TLL2: variants seen among roughly 807,000 people sequenced by gnomAD.
TLL2 encodes the protein tolloid-like protein 2.
A neutral mutation model predicts 123.0 loss-of-function variants in TLL2; 106 were observed. The ratio of observed to expected loss-of-function variants is 0.86; its 90% confidence interval spans 0.74 to 1.01. The LOEUF (loss-of-function observed/expected upper bound fraction) is 1.01, where lower values mean the gene tolerates loss of function less well. TLL2 is among the 50% of genes least tolerant of loss of function. The pLI, the probability that TLL2 is intolerant of heterozygous loss-of-function variation, is 0.00. For missense variants in TLL2, 1,332 were observed against 1,336.7 expected, an observed-to-expected ratio of 1.00 and a Z score of 0.06; for synonymous variants, 494 against 516.8, an observed-to-expected ratio of 0.96 and a Z score of 0.60.
Position 96,370,048 on chromosome 10 carries a change from G to A in TLL2, c.2913+17C>T. 6.4e-7 allele frequency: 1 copy of A among 1,553,864 alleles called. No homozygotes were observed. Among genetic ancestry groups the A allele is most frequent in the Non-Finnish European group, 8.7e-7 (1 of 1,151,834 alleles). On this transcript the variant is annotated intron_variant, in intron 20 of 20. Transcript: ENST00000357947. ...ATCATCACACTCTGCCCCGGCCCCA[G>A]CGTCTCCGGGACTTACCCCAGAGCC...
At position 96,381,919 on chromosome 10, in the gene TLL2, T is replaced by G. The variant is rs531036166; in HGVS notation, c.2194+2668A>C. 5.3e-5 allele frequency among the ~76,000 whole-genome samples: 8 copies of G among 152,312 alleles called. No homozygotes were observed. The South Asian group carries it at 1.7e-3, about 32-fold the overall frequency. ...TCAACAAATAATTGGGTCATTTCTA[T>G]GCCAAGCATTAAGACTATAAAGATA... On this transcript the variant is annotated intron_variant, in intron 16 of 20. Transcript: ENST00000357947.
chr10:96,418,712 T>A (rs1456462947), intron 7 of TLL2, among the ~76,000 whole-genome samples: 1 of 148,110 alleles, frequency 6.8e-6, no homozygotes, highest in Non-Finnish European at 1.5e-5. Context: ...TGAATATATA[T>A]GTATATATAA....
At chr10:96,491,388 A>C (rs1271490388) in intron 1 of TLL2, among the ~76,000 whole-genome samples, 1 of 151,244 alleles carries the variant, frequency 6.6e-6, no homozygotes, top group Admixed American at 6.6e-5. Context: ...GTCTCAAAAA[A>C]AAAAAAAAAA....
chr10:96,412,282 C>G (rs1296169744), intron 8 of TLL2, among the ~76,000 whole-genome samples: 2 of 152,198 alleles, frequency 1.3e-5, no homozygotes, highest in Non-Finnish European at 2.9e-5. Context: ...CCCAGATTTT[C>G]TAAGACGGTC....
At chr10:96,451,798 A>G (rs1589425875) in intron 2 of TLL2, among the ~76,000 whole-genome samples, 3 of 152,212 alleles carry the variant, frequency 2.0e-5, no homozygotes, top group Admixed American at 6.5e-5. Flanking sequence ...CATTGGGTGG[A>G]GAATTTGAGA....
intron 13 of TLL2, among the ~76,000 whole-genome samples, chr10:96,389,339 A>T (rs1226527827): frequency 1.3e-5 from 2 of 152,204 alleles, no homozygotes; most frequent in African/African-American, 4.8e-5. Context: ...ATCATGATAG[A>T]CAGCAGCAGA....
At chr10:96,476,240 A>ATATATATATATTCTTTTTTTTTT in intron 2 of TLL2, among the ~76,000 whole-genome samples, 2 of 20,498 alleles carry the variant, frequency 9.8e-5, no homozygotes, top group African/African-American at 1.7e-4. Context: ...ATATATATAT[A>ATATATATATATTCTTTTTTTTTT]TTTTATTTTT....
At chr10:96,410,286 A>G (rs749718888) in intron 9 of TLL2, 73 bp downstream of exon 9, 2 of 1,091,792 alleles carry the variant, frequency 1.8e-6, no homozygotes, top group Non-Finnish European at 2.7e-6. Flanking sequence ...TTTACTATTA[A>G]CAATAAGAAC....
rs765598534 is a variant in TLL2, at chr10:96,384,736, C to T, written c.2045G>A (p.Ser682Asn). Residue 682 changes from serine to asparagine, a missense_variant, in exon 16 of 21, where the codon AGC becomes AAC. Ser to Asn is a conservative substitution (Grantham distance 46). Coordinates refer to ENST00000357947, the MANE Select transcript of TLL2 (RefSeq NM_012465.4). ...CAGCTTGGCGTCGGGGGACAGGCCG[C>T]TGCGCACCTCTACAAAGTCGTACTT... ...VCKYDFVEVR[S>N]GLSPDAKLHG... The T allele has an allele frequency of 3.1e-6, 5 of 1,606,180 alleles. No individual in the cohort carries two copies.
intron 2 of TLL2, among the ~76,000 whole-genome samples, chr10:96,476,248 T>TTGTTGTTGTTGTTGTTG (rs1554939657): frequency 2.9e-5 from 2 of 69,228 alleles, no homozygotes; most frequent in African/African-American, 1.2e-4. Context: ...ATATTTTATT[T>TTGTTGTTGTTGTTGTTG]TTGTTGTTGT....
intron 2 of TLL2, among the ~76,000 whole-genome samples, chr10:96,453,932 T>C (rs1383283970): frequency 3.9e-5 from 6 of 152,166 alleles, no homozygotes; most frequent in Non-Finnish European, 8.8e-5. Flanking sequence ...TATTACTTTA[T>C]AATCAGGAAA....
intron 1 of TLL2, among the ~76,000 whole-genome samples, chr10:96,501,603 T>A (rs1257300915): frequency 6.6e-6 from 1 of 152,256 alleles, no homozygotes; most frequent in Non-Finnish European, 1.5e-5. Flanking sequence ...GTCATTACCA[T>A]TCTGCAAAGT....
intron 2 of TLL2, among the ~76,000 whole-genome samples, chr10:96,469,522 G>C (rs1398510292): frequency 6.6e-6 from 1 of 152,158 alleles, no homozygotes. Context: ...GTGCACCCAG[G>C]CTGGACCCCC....
chr10:96,457,732 G>A (rs1175074281), intron 2 of TLL2, among the ~76,000 whole-genome samples: 1 of 152,184 alleles, frequency 6.6e-6, no homozygotes, highest in Non-Finnish European at 1.5e-5. Context: ...AGCCTCCATG[G>A]CTGAGGGTGA....
chr10:96,443,176 C>G (rs1405054547), intron 3 of TLL2, among the ~76,000 whole-genome samples: 1 of 152,176 alleles, frequency 6.6e-6, no homozygotes. Context: ...GCCGCCAAGT[C>G]CCCTTATCCC....
chr10:96,384,885 C>T, intron 15 of TLL2, 118 bp from the exon 16 acceptor site: 4 of 1,013,886 alleles, frequency 3.9e-6, no homozygotes, highest in Non-Finnish European at 5.4e-6. Flanking sequence ...GGGGGAGGGT[C>T]CCTTGACTCT....
intron 1 of TLL2, among the ~76,000 whole-genome samples, chr10:96,505,093 A>G (rs1186033083): frequency 6.6e-6 from 1 of 152,274 alleles, no homozygotes; most frequent in African/African-American, 2.4e-5. Context: ...AAAGAGGCTT[A>G]ATTGACTCGC....
Position 96,370,264 on chromosome 10 carries a change from TG to T in TLL2, c.2713del (p.His905ThrfsTer18). 6.2e-7 allele frequency: 1 copy of T among 1,610,932 alleles called. No individual in the cohort carries two copies. Among genetic ancestry groups the T allele is most frequent in the Non-Finnish European group, 8.5e-7 (1 of 1,178,362 alleles). On this transcript the variant is annotated frameshift_variant, in exon 20 of 21. Coordinates refer to ENST00000357947, the MANE Select transcript of TLL2 (RefSeq NM_012465.4). LOFTEE classifies it high-confidence loss of function. ...AEVQTKELYS[H>X]AQFGDNNYPS... is the part of the protein sequence containing the mutation. ...GTAGTTGTTGTCCCCAAACTGGGCG[TG>T]GGAATAGAGCTCTTTGGTCTGCACT...
chr10:96,456,751 T>A (rs1295282792), intron 2 of TLL2, among the ~76,000 whole-genome samples: 1 of 152,058 alleles, frequency 6.6e-6, no homozygotes, highest in Non-Finnish European at 1.5e-5. Context: ...TCAAATCAGA[T>A]CCACAATGTG....
Sources: gnomAD v4.1 joint callset for allele counts (sites outside exome capture counted in the v4.1 genomes callset) on GRCh38, gnomAD v4.1.1 for gene constraint, MANE v1.5 for transcripts, NCBI Gene and HGNC (gene_info 2026-07-23, HGNC 2026-07-21) for gene names.